Variants in DPP10 observed in about 807,000 individuals in gnomAD.
The protein encoded by DPP10 is dipeptidyl peptidase like 10.
Under a neutral mutation model 120.9 loss-of-function variants are expected in DPP10, and 33 were observed. The observed-to-expected ratio is 0.27, with a 90% confidence interval of 0.21 to 0.37. The LOEUF (loss-of-function observed/expected upper bound fraction) is 0.37, where lower values mean the gene tolerates loss of function less well. Among genes scored for constraint, DPP10 ranks in the 10% least tolerant of loss-of-function variants. The probability of loss-of-function intolerance (pLI) is 1.00; values close to 1 mark genes in which losing one functional copy is unlikely to be tolerated. For missense variants in DPP10, 816 were observed against 942.8 expected, an observed-to-expected ratio of 0.87 and a Z score of 1.76; for synonymous variants, 337 against 326.1, an observed-to-expected ratio of 1.03 and a Z score of -0.36.
At chr2:115,163,730 G>T (rs2052613489) in intron 1 of DPP10, among the ~76,000 whole-genome samples, 1 of 152,158 alleles carries the variant, frequency 6.6e-6, no homozygotes, top group African/African-American at 2.4e-5. Flanking sequence ...AGAAAGATTA[G>T]CCAGGTGAGA....
intron 1 of DPP10, among the ~76,000 whole-genome samples, chr2:114,791,655 A>T (rs1683252149): frequency 6.6e-6 from 1 of 152,110 alleles, no homozygotes; most frequent in South Asian, 2.1e-4. Context: ...TATTGGGGAG[A>T]GGTAGGTGAC....
At chr2:115,617,135 A>T (rs2084566980) in intron 5 of DPP10, among the ~76,000 whole-genome samples, 1 of 149,928 alleles carries the variant, frequency 6.7e-6, no homozygotes, top group East Asian at 1.9e-4. Flanking sequence ...TATAGACATG[A>T]TTAAGTACTA....
At position 115,721,635 on chromosome 2, in the gene DPP10, G is replaced by A. The variant is rs529836290; in HGVS notation, c.577-6181G>A. Among the ~76,000 whole-genome samples the A allele has an allele frequency of 3.3e-5, 5 of 152,150 alleles. No individual in the cohort carries two copies. The South Asian group carries it at 1.0e-3, about 32-fold the overall frequency. On this transcript the variant is annotated intron_variant, in intron 7 of 25. Coordinates refer to ENST00000410059, the MANE Select transcript of DPP10 (RefSeq NM_020868.6). ...TGTTGGTAAAAATGTGGAGAAATTG[G>A]AACTCTCATACACTGTTCAGTATAC...
chr2:114,721,195 G>A (rs1701684992), intron 1 of DPP10, among the ~76,000 whole-genome samples: 1 of 152,170 alleles, frequency 6.6e-6, no homozygotes, highest in Admixed American at 6.5e-5. Flanking sequence ...GACTCTTTTA[G>A]GGTGTGCATT....
chr2:114,461,308 G>A (rs1678900451), intron 1 of DPP10, among the ~76,000 whole-genome samples: 2 of 152,178 alleles, frequency 1.3e-5, no homozygotes, highest in African/African-American at 2.4e-5. Flanking sequence ...CCTCATTGCT[G>A]AGTGAGCAAA....
intron 1 of DPP10, among the ~76,000 whole-genome samples, chr2:115,056,458 C>A (rs1705922226): frequency 6.6e-6 from 1 of 152,102 alleles, no homozygotes. Flanking sequence ...AGCCTGGGTT[C>A]AAGTGATGCT....
intron 1 of DPP10, among the ~76,000 whole-genome samples, chr2:114,655,745 C>T (rs1030544834): frequency 1.1e-4 from 16 of 151,800 alleles, no homozygotes; most frequent in East Asian, 5.8e-4. Flanking sequence ...CTTTTATATC[C>T]GAATGTAAGG....
intron 1 of DPP10, among the ~76,000 whole-genome samples, chr2:115,259,392 G>C (rs551019934): frequency 4.0e-5 from 6 of 151,846 alleles, no homozygotes; most frequent in South Asian, 4.2e-4. Flanking sequence ...GCTGAGGCAT[G>C]AGAATCACTT....
chr2:115,288,515 T>C lies in DPP10; in HGVS notation c.61-20724T>C, dbSNP rs2060498900. On this transcript the variant is annotated intron_variant, in intron 1 of 25. Coordinates refer to ENST00000410059, the MANE Select transcript of DPP10 (RefSeq NM_020868.6). The stretch of plus-strand genomic sequence containing the variant: ...GGTGGATCACTTGAGGTCAGGAGTT[T>C]GAGACTAGCCTGGCCAACATAGTGA... Among the ~76,000 whole-genome samples, 5 of 152,040 alleles carry C rather than the reference T, an allele frequency of 3.3e-5. No homozygotes were observed. In the South Asian group the frequency reaches 1.0e-3, roughly 32 times the overall value.
At chr2:115,410,593 A>G (rs900759841) in intron 3 of DPP10, among the ~76,000 whole-genome samples, 2 of 152,204 alleles carry the variant, frequency 1.3e-5, no homozygotes, top group African/African-American at 4.8e-5. Flanking sequence ...TGTGTAACAA[A>G]CCTGCACATG....
chr2:115,781,072 A>G (rs1682708961), intron 16 of DPP10, 77 bp downstream of exon 16: 16 of 1,184,328 alleles, frequency 1.4e-5, no homozygotes, highest in Middle Eastern at 3.1e-4. Context: ...ATCAGCAACT[A>G]TTACTCTAGA....
chr2:114,906,808 T>C (rs1694004030), intron 1 of DPP10, among the ~76,000 whole-genome samples: 1 of 152,182 alleles, frequency 6.6e-6, no homozygotes, highest in East Asian at 1.9e-4. Context: ...TATTTATCTG[T>C]AGCTTTCTTA....
At chr2:115,754,792 G>A (rs1046400755) in intron 11 of DPP10, among the ~76,000 whole-genome samples, 2 of 152,052 alleles carry the variant, frequency 1.3e-5, no homozygotes, top group African/African-American at 2.4e-5. Context: ...ATTGGAATTA[G>A]CAGACACATG....
chr2:115,456,829 G>A (rs1034644613), intron 3 of DPP10, among the ~76,000 whole-genome samples: 5 of 152,066 alleles, frequency 3.3e-5, no homozygotes, highest in African/African-American at 1.2e-4. Context: ...GGAGCTAGGG[G>A]AGGGATAGCA....
intron 1 of DPP10, among the ~76,000 whole-genome samples, chr2:114,804,613 T>C (rs902436527): frequency 7.2e-5 from 11 of 152,214 alleles, no homozygotes; most frequent in African/African-American, 2.7e-4. Flanking sequence ...AAAATTTGAC[T>C]GCCCTGCTGG....
intron 1 of DPP10, among the ~76,000 whole-genome samples, chr2:114,772,807 T>G (rs1476232071): frequency 1.3e-5 from 2 of 152,140 alleles, no homozygotes; most frequent in Non-Finnish European, 2.9e-5. Context: ...TTGAGTTAGA[T>G]GCCAAGATTC....
intron 1 of DPP10, among the ~76,000 whole-genome samples, chr2:115,307,537 G>A (rs560909351): frequency 2.8e-4 from 43 of 152,142 alleles, no homozygotes; most frequent in South Asian, 2.5e-3. Flanking sequence ...ATACCCATTC[G>A]CTGTTGGTTA....
chr2:115,308,699 T>TG (rs2061459608), intron 1 of DPP10, among the ~76,000 whole-genome samples: 1 of 138,198 alleles, frequency 7.2e-6, no homozygotes, highest in Admixed American at 7.3e-5. Flanking sequence ...TCCTGTTTTT[T>TG]TTTTTTTTTT....
intron 7 of DPP10, among the ~76,000 whole-genome samples, chr2:115,706,168 T>C (rs2149550878): frequency 6.6e-6 from 1 of 152,066 alleles, no homozygotes; most frequent in Admixed American, 6.6e-5. Flanking sequence ...GTGGGACAAA[T>C]ATGCAATTAT....
Sources: gnomAD v4.1 joint callset for allele counts (sites outside exome capture counted in the v4.1 genomes callset) on GRCh38, gnomAD v4.1.1 for gene constraint, MANE v1.5 for transcripts, NCBI Gene and HGNC (gene_info 2026-07-23, HGNC 2026-07-21) for gene names.